Variants in TMEM196 observed in about 807,000 individuals in gnomAD.
TMEM196 encodes transmembrane protein 196.
Under a neutral mutation model 20.0 loss-of-function variants are expected in TMEM196, and 17 were observed. The ratio of observed to expected loss-of-function variants is 0.85; its 90% CI spans 0.58 to 1.27. The LOEUF (loss-of-function observed/expected upper bound fraction) is 1.27, where lower values mean the gene tolerates loss of function less well. Ranked by LOEUF, TMEM196 falls within the 50% of genes most tolerant of loss-of-function variation. The pLI is 0.00. For missense variants in TMEM196, 267 were observed against 223.0 expected (o/e 1.20, Z -1.26); for synonymous variants, 113 against 88.9 (o/e 1.27, Z -1.52).
intron 1 of TMEM196, among the ~76,000 whole-genome samples, chr7:19,766,347 T>C (rs1297386925): frequency 6.6e-6 from 1 of 152,026 alleles, no homozygotes; most frequent in Non-Finnish European, 1.5e-5. Flanking sequence ...AATGAGAGTC[T>C]AATTATCAAG....
rs1432716215 is a variant in TMEM196, at chr7:19,729,310, G to C, written c.204+72C>G. ...ATATTCAGTATATGAAAGCTGGCTA[G>C]CCATCATTTCTATTTTAGAATTTTA... On this transcript the variant is annotated intron_variant, in intron 2 of 4. Coordinates refer to ENST00000405844, the MANE Select transcript of TMEM196 (RefSeq NM_001363562.2). 4.6e-6 allele frequency: 6 copies of C among 1,309,484 alleles called. No individual in the cohort carries two copies. In the East Asian group the frequency reaches 1.7e-4, roughly 36 times the overall value. 81.1% of individuals were successfully genotyped at this position (1,309,484 alleles called of 1,614,324 possible).
intron 4 of TMEM196, among the ~76,000 whole-genome samples, chr7:19,722,658 A>G (rs977631225): frequency 6.6e-6 from 1 of 152,184 alleles, no homozygotes; most frequent in African/African-American, 2.4e-5. Context: ...TCATGACACT[A>G]TCACTCTTCC....
intron 1 of TMEM196, 108 bp downstream of exon 1, chr7:19,772,442 G>C: frequency 8.0e-7 from 1 of 1,255,748 alleles, no homozygotes; most frequent in Admixed American, 3.3e-5. Context: ...AGAGATCTAT[G>C]ATTTTGTTTC....
In TMEM196 at chr7:19,719,354, A is replaced by T. The variant is rs1317885371; in HGVS notation, c.*2774T>A. 2.0e-5 allele frequency: 3 copies of T among 149,916 alleles called. No individual in the cohort carries two copies. Among genetic ancestry groups the T allele is most frequent in the Non-Finnish European group, 4.5e-5 (3 of 66,634 alleles). 9.3% of individuals were successfully genotyped at this position (149,916 alleles called of 1,614,324 possible). A position where few individuals can be genotyped will look rare whatever the true frequency, so the allele number is the denominator to read the frequency against. The stretch of plus-strand genomic sequence containing the variant: ...ATCATTTTATTATAGACATGTCAGT[A>T]GAGTTATCATTTCCTGTTCCACTTC... On this transcript the variant is annotated 3_prime_UTR_variant, in exon 5 of 5. Coordinates refer to ENST00000405844, the MANE Select transcript of TMEM196 (RefSeq NM_001363562.2).
chr7:19,764,086 C>A (rs1785535090), intron 1 of TMEM196, among the ~76,000 whole-genome samples: 1 of 152,148 alleles, frequency 6.6e-6, no homozygotes, highest in Non-Finnish European at 1.5e-5. Context: ...AAGAAACTTG[C>A]AAGTTTAAAA....
intron 3 of TMEM196, 38 bp downstream of exon 3, chr7:19,725,476 C>A (rs1783961945): frequency 1.3e-6 from 2 of 1,568,928 alleles, no homozygotes; most frequent in South Asian, 1.2e-5. Context: ...CAGTCTTCAT[C>A]ATGTGCTAGC....
At chr7:19,729,360 T>C (rs1440821375) in intron 2 of TMEM196, 22 bp downstream of exon 2, 2 of 1,546,956 alleles carry the variant, frequency 1.3e-6, no homozygotes, top group South Asian at 2.4e-5. Flanking sequence ...CAATGCACAA[T>C]ACAAACAAAT....
chr7:19,724,673 C>T (rs1428548022), intron 3 of TMEM196, among the ~76,000 whole-genome samples: 1 of 152,094 alleles, frequency 6.6e-6, no homozygotes, highest in Non-Finnish European at 1.5e-5. Context: ...TTCAAAATAA[C>T]ATTATAAAGA....
At chr7:19,722,172 T>C in intron 4 of TMEM196, 38 bp from the exon 5 acceptor site, 1 of 1,559,680 alleles carries the variant, frequency 6.4e-7, no homozygotes, top group Non-Finnish European at 8.8e-7. Flanking sequence ...AAATTCGCTT[T>C]TGGAGTAAGA....
chr7:19,725,144 G>A (rs1190851594), intron 3 of TMEM196, among the ~76,000 whole-genome samples: 2 of 152,166 alleles, frequency 1.3e-5, no homozygotes, highest in African/African-American at 4.8e-5. Flanking sequence ...TAGAACAAGG[G>A]AAGAGCTAGA....
intron 1 of TMEM196, among the ~76,000 whole-genome samples, chr7:19,763,671 G>T (rs891289763): frequency 2.6e-5 from 4 of 152,048 alleles, no homozygotes; most frequent in African/African-American, 9.7e-5. Context: ...CTTCATAAAT[G>T]TATAAAAATA....
intron 1 of TMEM196, among the ~76,000 whole-genome samples, chr7:19,755,553 G>A (rs1041174964): frequency 6.6e-6 from 1 of 152,166 alleles, no homozygotes; most frequent in Non-Finnish European, 1.5e-5. Context: ...AAGATTGAAA[G>A]TATTGTGTCA....
chr7:19,745,918 A>T (rs1010729759), intron 1 of TMEM196, among the ~76,000 whole-genome samples: 32 of 151,910 alleles, frequency 2.1e-4, no homozygotes, highest in African/African-American at 7.5e-4. Flanking sequence ...ATTTTAAAAA[A>T]TCAAATAACT....
chr7:19,733,486 A>C (rs1784284493), intron 1 of TMEM196, among the ~76,000 whole-genome samples: 2 of 152,136 alleles, frequency 1.3e-5, no homozygotes, highest in African/African-American at 4.8e-5. Flanking sequence ...ACTGGTCATC[A>C]CACATTTGTT....
At chr7:19,738,171 T>C (rs1784470247) in intron 1 of TMEM196, among the ~76,000 whole-genome samples, 1 of 152,068 alleles carries the variant, frequency 6.6e-6, no homozygotes, top group Non-Finnish European at 1.5e-5. Flanking sequence ...TACTGGTTAA[T>C]GATTTTGACA....
intron 2 of TMEM196, among the ~76,000 whole-genome samples, chr7:19,726,103 C>T (rs1260383313): frequency 6.6e-6 from 1 of 152,130 alleles, no homozygotes; most frequent in Non-Finnish European, 1.5e-5. Flanking sequence ...TATTTAACAT[C>T]TACCGTGTGC....
At chr7:19,724,383 A>G (rs1783918067) in intron 3 of TMEM196, 30 bp from the exon 4 acceptor site, 1 of 1,539,834 alleles carries the variant, frequency 6.5e-7, no homozygotes, top group Admixed American at 2.0e-5. Context: ...CATACAATAA[A>G]TATTGCACAA....
chr7:19,737,791 A>G (rs954986650), intron 1 of TMEM196, among the ~76,000 whole-genome samples: 1 of 151,942 alleles, frequency 6.6e-6, no homozygotes, highest in African/African-American at 2.4e-5. Flanking sequence ...CATAGGGTAT[A>G]TATTTAAGGA....
At chr7:19,748,141 A>G (rs1784828138) in intron 1 of TMEM196, among the ~76,000 whole-genome samples, 1 of 151,866 alleles carries the variant, frequency 6.6e-6, no homozygotes, top group South Asian at 2.1e-4. Context: ...TTACAATGCT[A>G]TCCTGCATCT....
Sources: allele counts gnomAD v4.1 joint callset (sites outside exome capture counted in the v4.1 genomes callset), GRCh38; gene constraint gnomAD v4.1.1; transcripts MANE v1.5; gene names NCBI Gene and HGNC (gene_info 2026-07-23, HGNC 2026-07-21).